CDH13: variants seen among roughly 807,000 people sequenced by gnomAD.
CDH13 encodes the protein cadherin 13.
In CDH13, 24 loss-of-function variants were observed where a neutral mutation model predicts 63.8. The ratio of observed to expected loss-of-function variants is 0.38; its 90% CI spans 0.27 to 0.53. The LOEUF is 0.53. Ranked by LOEUF, CDH13 falls within the 20% of genes least tolerant of loss-of-function variation. CDH13 has a pLI of 0.85. For missense variants in CDH13, 1,049 were observed against 903.1 expected (o/e 1.16, Z -2.07); for synonymous variants, 503 against 355.3 (o/e 1.42, Z -4.67).
chr16:83,716,071 G>T lies in CDH13; in HGVS notation c.1539-32037G>T, dbSNP rs572602191. Among the ~76,000 whole-genome samples the T allele has an allele frequency of 1.8e-3, 270 of 152,180 alleles. 1 individual carries two copies. Among genetic ancestry groups the T allele is most frequent in the African/African-American group, 6.2e-3 (259 of 41,502 alleles). On this transcript the variant is annotated intron_variant, in intron 10 of 13. Transcript: ENST00000567109. ...TTCATTTTGTTTTCCATAAAGCTAG[G>T]AAAACTTAGACTTGCCCACTTTTTT...
intron 11 of CDH13, among the ~76,000 whole-genome samples, chr16:83,778,397 T>G (rs247399): frequency 0.81 from 122,768 of 151,758 alleles, 49,717 homozygotes; most frequent in Admixed American, 0.84. Context: ...GGACATTGTG[T>G]TGCACACCTG....
intron 3 of CDH13, among the ~76,000 whole-genome samples, chr16:83,048,128 A>T (rs1179228799): frequency 6.6e-6 from 1 of 152,186 alleles, no homozygotes; most frequent in Admixed American, 6.5e-5. Context: ...TGATTTCCGC[A>T]TGCAGAAATC....
At chr16:82,858,152 A>C (rs938538221) in intron 1 of CDH13, among the ~76,000 whole-genome samples, 5 of 152,234 alleles carry the variant, frequency 3.3e-5, no homozygotes, top group Non-Finnish European at 2.9e-5. Context: ...AATTTAATGG[A>C]AACTGCAGCA....
At chr16:83,113,990 G>A (rs574946899) in intron 3 of CDH13, among the ~76,000 whole-genome samples, 1 of 152,114 alleles carries the variant, frequency 6.6e-6, no homozygotes, top group Non-Finnish European at 1.5e-5. Context: ...AAAAGATCTC[G>A]CTGGCTGCTG....
At chr16:83,681,557 G>A (rs898647115) in intron 10 of CDH13, among the ~76,000 whole-genome samples, 10 of 151,710 alleles carry the variant, frequency 6.6e-5, no homozygotes, top group South Asian at 2.1e-4. Context: ...CCCCTCCTCC[G>A]TTCTTCTCCC....
At chr16:82,895,415 C>G (rs1213301781) in intron 2 of CDH13, among the ~76,000 whole-genome samples, 4 of 152,180 alleles carry the variant, frequency 2.6e-5, no homozygotes, top group African/African-American at 4.8e-5. Context: ...TTTCTTTAGT[C>G]TAACTTCCTG....
chr16:83,411,070 G>A (rs1430045564), intron 6 of CDH13, among the ~76,000 whole-genome samples: 8 of 152,120 alleles, frequency 5.3e-5, no homozygotes, highest in Non-Finnish European at 1.0e-4. Context: ...CATAGCGGTC[G>A]TGGTCCACAC....
rs187987022 is a variant in CDH13, at chr16:83,665,015, G to T, written c.1102-5775G>T. 6.6e-5 allele frequency among the ~76,000 whole-genome samples: 10 copies of T among 152,158 alleles called. No individual in the cohort carries two copies. In the South Asian group the frequency reaches 8.3e-4, roughly 13 times the overall value. ...TTAAAATGAATTGTTGTATCTTTCCGCCATGAGATAAATCCTAATCATAGA... is the reference window on the plus strand; with the variant it reads ...TTAAAATGAATTGTTGTATCTTTCCTCCATGAGATAAATCCTAATCATAGA... On this transcript the variant is annotated intron_variant, in intron 8 of 13. Coordinates refer to ENST00000567109, the MANE Select transcript of CDH13 (RefSeq NM_001257.5).
At chr16:82,705,227 A>C (rs2150997454) in intron 1 of CDH13, 1 of 451,880 alleles carries the variant, frequency 2.2e-6, no homozygotes, top group East Asian at 7.0e-5. Flanking sequence ...ATAGCACATG[A>C]GAGGGAGGAC....
At chr16:82,908,841 G>T (rs1390743536) in intron 2 of CDH13, among the ~76,000 whole-genome samples, 1 of 152,174 alleles carries the variant, frequency 6.6e-6, no homozygotes, top group Non-Finnish European at 1.5e-5. Context: ...AACTACATGG[G>T]TTTGAACTGA....
At chr16:82,865,003 A>G (rs1177749488) in intron 2 of CDH13, among the ~76,000 whole-genome samples, 1 of 152,218 alleles carries the variant, frequency 6.6e-6, no homozygotes, top group Non-Finnish European at 1.5e-5. Context: ...TCCAAAATCC[A>G]GCAGGGCAGA....
chr16:83,516,561 C>G (rs1348166119), intron 7 of CDH13, among the ~76,000 whole-genome samples: 2 of 152,198 alleles, frequency 1.3e-5, no homozygotes, highest in East Asian at 3.9e-4. Context: ...GAGGTGTCTT[C>G]TCTTCCTAGA....
chr16:82,795,713 C>G (rs1478008887), intron 1 of CDH13, among the ~76,000 whole-genome samples: 1 of 152,170 alleles, frequency 6.6e-6, no homozygotes, highest in African/African-American at 2.4e-5. Context: ...GACCCAGTTC[C>G]TAATCCAGCT....
intron 2 of CDH13, among the ~76,000 whole-genome samples, chr16:82,944,439 A>G (rs1482888245): frequency 4.6e-5 from 7 of 152,160 alleles, no homozygotes; most frequent in African/African-American, 1.4e-4. Flanking sequence ...TTAAGGGAGA[A>G]TGCATAAGGG....
intron 6 of CDH13, among the ~76,000 whole-genome samples, chr16:83,418,606 G>A (rs1389948546): frequency 6.6e-6 from 1 of 152,156 alleles, no homozygotes; most frequent in African/African-American, 2.4e-5. Context: ...TACAAACCAG[G>A]ATTCTGTCCA....
chr16:83,010,347 C>T (rs1170570083), intron 2 of CDH13, among the ~76,000 whole-genome samples: 1 of 151,944 alleles, frequency 6.6e-6, no homozygotes, highest in Non-Finnish European at 1.5e-5. Context: ...AATACCCCTC[C>T]CACCTGCATT....
intron 4 of CDH13, among the ~76,000 whole-genome samples, chr16:83,176,767 G>A (rs894427461): frequency 1.2e-4 from 19 of 152,068 alleles, no homozygotes; most frequent in Non-Finnish European, 2.6e-4. Context: ...TGATGAAATG[G>A]AGGCAGAAGT....
intron 2 of CDH13, among the ~76,000 whole-genome samples, chr16:82,939,012 A>G (rs781265335): frequency 6.6e-6 from 1 of 152,236 alleles, no homozygotes; most frequent in Non-Finnish European, 1.5e-5. Context: ...CTTCAGGCAC[A>G]GAACTGCACA....
intron 2 of CDH13, among the ~76,000 whole-genome samples, chr16:82,926,814 C>G (rs913301654): frequency 6.6e-6 from 1 of 152,120 alleles, no homozygotes; most frequent in Non-Finnish European, 1.5e-5. Context: ...TATCATTGGT[C>G]CATTAGTGAT....
Sources: allele counts gnomAD v4.1 joint callset (sites outside exome capture counted in the v4.1 genomes callset), GRCh38; gene constraint gnomAD v4.1.1; transcripts MANE v1.5; gene names NCBI Gene and HGNC (gene_info 2026-07-23, HGNC 2026-07-21).